The following RABGAP1L variants were observed in gnomAD, a reference collection of about 807,000 sequenced individuals.
RABGAP1L encodes the protein rab GTPase-activating protein 1-like.
RABGAP1L carries 63 observed loss-of-function variants against 137.7 expected under a neutral mutation model. The ratio of observed to expected loss-of-function variants is 0.46; its 90% CI spans 0.37 to 0.56. RABGAP1L has a LOEUF of 0.56. Among genes scored for constraint, RABGAP1L ranks in the 20% least tolerant of loss-of-function variants. RABGAP1L has a pLI of 0.00. For synonymous variants in RABGAP1L, 431 were observed against 433.7 expected (o/e 0.99, Z 0.08); for missense variants, 1,095 against 1,244.0 (o/e 0.88, Z 1.80).
chr1:174,535,231 A>G (rs906113632), intron 13 of RABGAP1L, among the ~76,000 whole-genome samples: 1 of 152,008 alleles, frequency 6.6e-6, no homozygotes, highest in Non-Finnish European at 1.5e-5. Flanking sequence ...AAAATAAAGA[A>G]TTTGTCTCTA....
intron 1 of RABGAP1L, among the ~76,000 whole-genome samples, chr1:174,204,520 G>C (rs543011336): frequency 6.6e-6 from 1 of 152,134 alleles, no homozygotes; most frequent in Non-Finnish European, 1.5e-5. Flanking sequence ...GCTTTTGACC[G>C]TTGAGTATAA....
At chr1:174,599,662 T>C (rs936920565) in intron 13 of RABGAP1L, among the ~76,000 whole-genome samples, 28 of 152,204 alleles carry the variant, frequency 1.8e-4, no homozygotes, top group African/African-American at 6.3e-4. Context: ...TCTCCTGTTT[T>C]GTAGGGTTTC....
intron 13 of RABGAP1L, among the ~76,000 whole-genome samples, chr1:174,554,111 T>A (rs1666727980): frequency 6.6e-6 from 1 of 152,218 alleles, no homozygotes; most frequent in Admixed American, 6.5e-5. Context: ...TTACTCCTCC[T>A]ATAGTCTGAA....
intron 13 of RABGAP1L, among the ~76,000 whole-genome samples, chr1:174,573,087 T>A (rs1668104005): frequency 6.6e-6 from 1 of 152,182 alleles, no homozygotes; most frequent in African/African-American, 2.4e-5. Flanking sequence ...TTCACTTAGC[T>A]AGTATTTTTA....
At chr1:174,387,763 CTAA>C (rs1686916980) in intron 12 of RABGAP1L, among the ~76,000 whole-genome samples, 1 of 151,806 alleles carries the variant, frequency 6.6e-6, no homozygotes, top group South Asian at 2.1e-4. Flanking sequence ...TAAAATATTT[CTAA>C]TAATATTTTT....
At chr1:174,303,905 A>G (rs77053067) in intron 10 of RABGAP1L, among the ~76,000 whole-genome samples, 3,071 of 152,252 alleles carry the variant, frequency 0.02, 111 homozygotes, top group African/African-American at 0.071. Flanking sequence ...TCCAATCTGT[A>G]TACTTTTTCT....
At chr1:174,418,470 T>G (rs1650867818) in intron 13 of RABGAP1L, among the ~76,000 whole-genome samples, 1 of 152,182 alleles carries the variant, frequency 6.6e-6, no homozygotes, top group Non-Finnish European at 1.5e-5. Context: ...TTTGAGAGAA[T>G]GGTTATAATT....
chr1:174,957,918 G>T (rs1668742143), intron 20 of RABGAP1L: 1 of 1,586,700 alleles, frequency 6.3e-7, no homozygotes, highest in Admixed American at 1.9e-5. Flanking sequence ...AACTCCAGCT[G>T]TTGCATTTAT....
intron 18 of RABGAP1L, among the ~76,000 whole-genome samples, chr1:174,775,791 C>T (rs1173408704): frequency 6.6e-6 from 1 of 152,180 alleles, no homozygotes; most frequent in Non-Finnish European, 1.5e-5. Flanking sequence ...GGATGGTGCA[C>T]ATTCCTGATT....
intron 14 of RABGAP1L, among the ~76,000 whole-genome samples, chr1:174,652,211 A>G (rs533915593): frequency 1.5e-4 from 23 of 152,226 alleles, no homozygotes; most frequent in African/African-American, 5.1e-4. Context: ...ATCCACTGTT[A>G]GTCTGTTGGG....
At chr1:174,655,796 A>T (rs1557956114) in intron 14 of RABGAP1L, among the ~76,000 whole-genome samples, 1 of 152,132 alleles carries the variant, frequency 6.6e-6, no homozygotes, top group Non-Finnish European at 1.5e-5. Flanking sequence ...AATTGTCCCC[A>T]TATTGTCCAG....
chr1:174,465,323 C>T (rs1387064372), intron 13 of RABGAP1L, among the ~76,000 whole-genome samples: 3 of 152,170 alleles, frequency 2.0e-5, no homozygotes, highest in African/African-American at 7.2e-5. Flanking sequence ...CCTCAGCCTC[C>T]AGAGTAGCTG....
At chr1:174,364,055 G>C (rs1684372752) in intron 11 of RABGAP1L, among the ~76,000 whole-genome samples, 1 of 151,802 alleles carries the variant, frequency 6.6e-6, no homozygotes, top group South Asian at 2.1e-4. Context: ...ACCTTCTAGA[G>C]TAAGTCTGGA....
chr1:174,849,629 A>G (rs919443303), intron 19 of RABGAP1L: 5 of 371,828 alleles, frequency 1.3e-5, no homozygotes, highest in Non-Finnish European at 2.6e-5. Context: ...GAGAAAATAT[A>G]CAGGATGAGA....
chr1:174,328,696 G>C (rs992917905), intron 11 of RABGAP1L, among the ~76,000 whole-genome samples: 1 of 152,068 alleles, frequency 6.6e-6, no homozygotes, highest in African/African-American at 2.4e-5. Flanking sequence ...CTTGAACTGA[G>C]GAGGCGGAAG....
intron 23 of RABGAP1L, among the ~76,000 whole-genome samples, 157 bp downstream of exon 23, chr1:174,979,047 C>T (rs1670883888): frequency 6.6e-6 from 1 of 151,978 alleles, no homozygotes; most frequent in Admixed American, 6.6e-5. Flanking sequence ...TAGCCAGGCA[C>T]AGTGGCATGT....
intron 7 of RABGAP1L, among the ~76,000 whole-genome samples, chr1:174,254,074 T>C (rs1403599254): frequency 6.6e-6 from 1 of 151,860 alleles, no homozygotes; most frequent in African/African-American, 2.4e-5. Context: ...TAGGAGAAGG[T>C]ATCTGGCCCC....
rs1020646527 is a variant in RABGAP1L, at chr1:174,833,062, A to AT, written c.2340+21103dup. Reference sequence around the variant, plus strand: ...AAGCCAAATTTTGAATCCAGGCAGTATGGTTTCAGAGTCTTTGCTTTACTA... The same window carrying AT: ...AAGCCAAATTTTGAATCCAGGCAGTATTGGTTTCAGAGTCTTTGCTTTACTA... On this transcript the variant is annotated intron_variant, in intron 19 of 25. Coordinates refer to ENST00000681986, the MANE Select transcript of RABGAP1L (RefSeq NM_001366446.1). 1.1e-4 allele frequency among the ~76,000 whole-genome samples: 16 copies of AT among 152,272 alleles called. 1 individual carries two copies. Among genetic ancestry groups the AT allele is most frequent in the South Asian group, 6.2e-4 (3 of 4,828 alleles).
intron 19 of RABGAP1L, among the ~76,000 whole-genome samples, chr1:174,934,121 C>T (rs1447091340): frequency 6.6e-6 from 1 of 152,094 alleles, no homozygotes; most frequent in African/African-American, 2.4e-5. Context: ...TGGAGTCTCA[C>T]TCTGTTGCCC....
Sources: allele counts gnomAD v4.1 joint callset (sites outside exome capture counted in the v4.1 genomes callset), GRCh38; gene constraint gnomAD v4.1.1; transcripts MANE v1.5; gene names NCBI Gene and HGNC (gene_info 2026-07-23, HGNC 2026-07-21).